The following BLTP1 variants were observed in gnomAD, a reference collection of about 807,000 sequenced individuals.
BLTP1 encodes bridge-like lipid transfer protein family member 1.
At chr4:122,337,008 T>C in the BLTP1 span, 1 of 1,607,892 alleles carries the variant, frequency 6.2e-7, no homozygotes, top group South Asian at 1.1e-5. Context: ...TTGTGGTTTA[T>C]GTACGAGTTC....
At chr4:122,277,793 T>G in the BLTP1 span, 1 of 858,350 alleles carries the variant, frequency 1.2e-6, no homozygotes, top group Non-Finnish European at 1.4e-6. Context: ...TAATTAGATT[T>G]TAAGAAGTAT....
chr4:122,199,450 A>G, the BLTP1 span: 2 of 1,611,792 alleles, frequency 1.2e-6, no homozygotes, highest in South Asian at 1.1e-5. Flanking sequence ...AAATGTTAGC[A>G]GTAAGTCTGT....
At chr4:122,343,107 GC>G in the BLTP1 span, among the ~76,000 whole-genome samples, 1 of 152,126 alleles carries the variant, frequency 6.6e-6, no homozygotes, top group Non-Finnish European at 1.5e-5. Context: ...CTCTTCCACT[GC>G]CTGCTTCTAG....
At chr4:122,331,506 C>G in the BLTP1 span, 119 of 1,611,336 alleles carry the variant, frequency 7.4e-5, no homozygotes, top group Middle Eastern at 1.7e-4. Flanking sequence ...ACCCAACCAC[C>G]CTTCTACAAG....
At chr4:122,272,049 AAG>A in the BLTP1 span, 1 of 1,326,838 alleles carries the variant, frequency 7.5e-7, no homozygotes, top group East Asian at 2.4e-5. Context: ...GATTAGGAGA[AAG>A]AGGACTGGTT....
At chr4:122,208,265 C>A in the BLTP1 span, 1 of 632,028 alleles carries the variant, frequency 1.6e-6, no homozygotes, top group Non-Finnish European at 2.0e-6. Context: ...TGCATTTATA[C>A]ATTAGGAAAG....
the BLTP1 span, among the ~76,000 whole-genome samples, chr4:122,294,223 C>T: frequency 6.6e-6 from 1 of 152,208 alleles, no homozygotes; most frequent in Non-Finnish European, 1.5e-5. Context: ...GGGGCGTTTC[C>T]CCCAGGACAG....
chr4:122,327,368 G>T, the BLTP1 span, among the ~76,000 whole-genome samples: 1 of 151,630 alleles, frequency 6.6e-6, no homozygotes, highest in Non-Finnish European at 1.5e-5. Context: ...ATGCCTAGTA[G>T]TACACTTCAA....
At chr4:122,353,324 A>C in the BLTP1 span, 1 of 816,508 alleles carries the variant, frequency 1.2e-6, no homozygotes, top group Non-Finnish European at 1.5e-6. This position sits in a 1 kb window ranked among gnomAD's most constrained non-coding sequence, Gnocchi z 4.3. Flanking sequence ...TTAATTTCTG[A>C]ACTTGCCATC....
chr4:122,305,501 A>G, the BLTP1 span: 1 of 983,320 alleles, frequency 1.0e-6, no homozygotes, highest in African/African-American at 1.7e-5. Flanking sequence ...AGAACCAAGT[A>G]GAAAAATGCC....
the BLTP1 span, chr4:122,305,845 T>G: frequency 6.6e-7 from 1 of 1,520,776 alleles, no homozygotes; most frequent in East Asian, 2.3e-5. Flanking sequence ...TTTCCATTAT[T>G]TTATTTTATT....
At chr4:122,196,601 A>C in the BLTP1 span, 105 of 1,543,928 alleles carry the variant, frequency 6.8e-5, 1 homozygote, top group Non-Finnish European at 8.6e-5. Context: ...TGTTTGAATA[A>C]CATGTCATTA....
At chr4:122,230,921 C>G in the BLTP1 span, among the ~76,000 whole-genome samples, 1 of 152,136 alleles carries the variant, frequency 6.6e-6, no homozygotes, top group South Asian at 2.1e-4. Flanking sequence ...CCTGTATATA[C>G]AGTTTAAAAT....
chr4:122,274,518 G>C, the BLTP1 span: 2 of 1,533,060 alleles, frequency 1.3e-6, no homozygotes, highest in Admixed American at 2.3e-5. Flanking sequence ...GCTGAATTTT[G>C]AGGTTTGTAT....
At chr4:122,216,109 A>G in the BLTP1 span, among the ~76,000 whole-genome samples, 25 of 150,782 alleles carry the variant, frequency 1.7e-4, no homozygotes, top group Non-Finnish European at 2.8e-4. Flanking sequence ...CTATCTATCT[A>G]TCTATCTATC....
chr4:122,299,108 G>C, the BLTP1 span: 1 of 984,882 alleles, frequency 1.0e-6, no homozygotes. Context: ...GGAAATTGCT[G>C]TGTAGATAAA....
At chr4:122,305,012 C>T in the BLTP1 span, 33 of 1,555,888 alleles carry the variant, frequency 2.1e-5, no homozygotes, top group Non-Finnish European at 2.5e-5. Context: ...GATGTTAGAA[C>T]GATGGCTTTT....
At chr4:122,184,757 C>CT in the BLTP1 span, 1 of 984,914 alleles carries the variant, frequency 1.0e-6, no homozygotes, top group Non-Finnish European at 1.2e-6. Context: ...AGCATACTGC[C>CT]TTTCTAAGCC....
the BLTP1 span, chr4:122,305,505 A>G: frequency 1.0e-6 from 1 of 984,078 alleles, no homozygotes; most frequent in Non-Finnish European, 1.2e-6. Context: ...CCAAGTAGAA[A>G]AATGCCAGTC....
Sources: gnomAD v4.1 joint callset for allele counts (sites outside exome capture counted in the v4.1 genomes callset) on GRCh38, gnomAD v4.1.1 for gene constraint, Gnocchi (gnomAD v3.1) non-coding constraint, MANE v1.5 for transcripts, NCBI Gene and HGNC (gene_info 2026-07-23, HGNC 2026-07-21) for gene names.